LMOD3: variants seen among roughly 807,000 people sequenced by gnomAD.
LMOD3 encodes leiomodin-3.
In LMOD3, 31 loss-of-function variants were observed where a neutral mutation model predicts 41.8. The observed-to-expected ratio is 0.74, with a 90% CI of 0.56 to 1.00. LMOD3 has a LOEUF of 1.00. Among genes scored for constraint, LMOD3 ranks in the 50% least tolerant of loss-of-function variants. LMOD3 has a pLI of 0.00. For synonymous variants in LMOD3, 292 were observed against 241.9 expected (o/e 1.21, Z -1.92); for missense variants, 755 against 679.5 (o/e 1.11, Z -1.23).
At chr3:69,115,697 C>G (rs985470004) in intron 2 of LMOD3, among the ~76,000 whole-genome samples, 1 of 152,300 alleles carries the variant, frequency 6.6e-6, no homozygotes, top group South Asian at 2.1e-4. Flanking sequence ...TCACCTCTAT[C>G]AAGTGAACAT....
chr3:69,109,623 G>A (rs1472265035), intron 2 of LMOD3, among the ~76,000 whole-genome samples: 2 of 149,910 alleles, frequency 1.3e-5, no homozygotes, highest in East Asian at 4.0e-4. Context: ...CAACTCCCGG[G>A]TTCAAGCGAT....
chr3:69,119,274 C>CT lies in LMOD3; in HGVS notation c.1080dup (p.Ala361SerfsTer18), dbSNP rs1389072279. The stretch of plus-strand genomic sequence containing the variant: ...GTGTTGTTTGCCTTCAAAAGCCTGG[C>CT]TATTTCCATTTCAGCATGGTGACCC... On this transcript the variant is annotated frameshift_variant, in exon 2 of 3. Transcript: ENST00000420581. LOFTEE classifies it high-confidence loss of function. 1 of 1,613,910 alleles carries CT rather than the reference C, an allele frequency of 6.2e-7. No homozygotes were observed. The highest frequency in any genetic ancestry group is 2.2e-5 in the East Asian group (1 of 44,870).
chr3:69,119,080 C>T lies in LMOD3; in HGVS notation c.1275G>A (p.Gly425=). The change falls in exon 2 of 3, where the codon GGG becomes GGA. Residue 425 remains glycine (G), a synonymous_variant. Coordinates refer to ENST00000420581, the MANE Select transcript of LMOD3 (RefSeq NM_198271.5). ...ACAGCTCCCACATCCCAGGGGGCAG[C>T]CCCAACCCATTCTCTAACATGGCTA... ...KLIAMLENGL[G]LPPGMWELLG... is the part of the protein sequence containing the mutation. 1 of 1,613,792 alleles carries T rather than the reference C, an allele frequency of 6.2e-7. No individual in the cohort carries two copies. Among genetic ancestry groups the T allele is most frequent in the Non-Finnish European group, 8.5e-7 (1 of 1,179,866 alleles).
chr3:69,111,628 C>T (rs959210849), intron 2 of LMOD3, among the ~76,000 whole-genome samples: 3 of 152,114 alleles, frequency 2.0e-5, no homozygotes, highest in Non-Finnish European at 2.9e-5. Context: ...CAGGCTGGAG[C>T]GCAGTGGTGC....
At position 69,119,980 on chromosome 3, in the gene LMOD3, A is replaced by G. The variant is rs375595641; in HGVS notation, c.375T>C (p.Asn125=). 121 of 1,599,906 alleles carry G rather than the reference A, an allele frequency of 7.6e-5. No homozygotes were observed. The highest frequency in any genetic ancestry group is 1.0e-4 in the Non-Finnish European group (117 of 1,172,260). ...MAQYLKEKLN[N]EIVANKRESK... Reference sequence around the variant, plus strand: ...ATTCTCTTTTATTTGCAACTATTTCATTATTGAGCTTTTCTTTTAAATACT... The same window carrying G: ...ATTCTCTTTTATTTGCAACTATTTCGTTATTGAGCTTTTCTTTTAAATACT... The change falls in exon 2 of 3, where the codon AAT becomes AAC. Residue 125 remains asparagine, a synonymous_variant. Transcript: ENST00000420581.
In LMOD3 at chr3:69,107,913, G is replaced by C. The variant is rs1187591734; in HGVS notation, c.*1182C>G. 6.6e-6 allele frequency: 1 copy of C among 152,172 alleles called. No individual in the cohort carries two copies. The highest frequency in any genetic ancestry group is 2.4e-5 in the African/African-American group (1 of 41,420). 9.4% of individuals were successfully genotyped at this position (152,172 alleles called of 1,614,324 possible). A position where few individuals can be genotyped will look rare whatever the true frequency, so the allele number is the denominator to read the frequency against. ...GAAGAAGGACAGATTGGAGTTGTCT[G>C]GAAAATTTTTTATGGAGGACACAGG... On this transcript the variant is annotated 3_prime_UTR_variant, in exon 3 of 3. Transcript: ENST00000420581.
rs929921978 is a variant in LMOD3, at chr3:69,118,751, C to T, written c.1604G>A (p.Arg535Lys). The change falls in exon 2 of 3, where the codon AGA (arginine) becomes AAA (lysine). Residue 535 changes from arginine (R) to lysine (K), a missense_variant. Physicochemically the swap from Arg to Lys is conservative, Grantham distance 26. Coordinates refer to ENST00000420581, the MANE Select transcript of LMOD3 (RefSeq NM_198271.5). ...RPPPLVEITP[R>K]DQLLNDIRHS... ...ACGAATGTCGTTTAGCAGCTGATCT[C>T]TGGGAGTGATTTCCACCAATGGGGG... 1.9e-6 allele frequency: 3 copies of T among 1,612,342 alleles called. No individual in the cohort carries two copies. The highest frequency in any genetic ancestry group is 2.5e-6 in the Non-Finnish European group (3 of 1,179,602).
chr3:69,121,754 TAAA>T (rs1175791001), intron 1 of LMOD3, among the ~76,000 whole-genome samples: 3 of 151,986 alleles, frequency 2.0e-5, no homozygotes, highest in Non-Finnish European at 4.4e-5. Flanking sequence ...GGGCCTGCAA[TAAA>T]AAAGAAAGAG....
intron 1 of LMOD3, 102 bp from the exon 2 acceptor site, chr3:69,120,162 G>C: frequency 7.7e-7 from 1 of 1,303,930 alleles, no homozygotes; most frequent in Non-Finnish European, 1.0e-6. Flanking sequence ...TAAAAGAGCT[G>C]GTTGCTATTT....
chr3:69,118,168 G>C (rs2092385542), intron 2 of LMOD3, among the ~76,000 whole-genome samples: 1 of 152,094 alleles, frequency 6.6e-6, no homozygotes, highest in South Asian at 2.1e-4. Context: ...TAGGTTCCTA[G>C]GGATCTCTGA....
rs564125224 is a variant in LMOD3, at chr3:69,117,851, T to A, written c.1656+848A>T. On this transcript the variant is annotated intron_variant, in intron 2 of 2. Coordinates refer to ENST00000420581, the MANE Select transcript of LMOD3 (RefSeq NM_198271.5). ...TTGGGTGGTTTTTTTTTTTTTTTTT[T>A]AGATGGAGTCTCGCTCTGTCACCAG... 3.1e-3 allele frequency among the ~76,000 whole-genome samples: 464 copies of A among 151,036 alleles called. 6 individuals are homozygous for A. The highest frequency in any genetic ancestry group is 0.011 in the African/African-American group (434 of 40,974).
intron 2 of LMOD3, among the ~76,000 whole-genome samples, chr3:69,115,065 A>G (rs1002665233): frequency 1.3e-5 from 2 of 152,000 alleles, no homozygotes; most frequent in Admixed American, 6.6e-5. Context: ...ACAGGATCTC[A>G]CTTTGTTTTG....
chr3:69,106,559 G>T lies in LMOD3; in HGVS notation c.*2536C>A. ...TCTTTTGGCAAAACCTGTGTATTGA[G>T]GCCATAAGCTATGAAATTGGATCAT... On this transcript the variant is annotated 3_prime_UTR_variant, in exon 3 of 3. Transcript: ENST00000420581. Among the ~76,000 whole-genome samples the T allele has an allele frequency of 6.6e-6, 1 of 152,082 alleles. No individual in the cohort carries two copies. The highest frequency in any genetic ancestry group is 1.9e-4 in the East Asian group (1 of 5,192).
Position 69,108,963 on chromosome 3 carries a change from C to G in LMOD3, c.*132G>C, listed in dbSNP as rs2092335565. The stretch of plus-strand genomic sequence containing the variant: ...AAACATTCTGCCTTTTACAAATACC[C>G]TTATCAGATGGTAGCATTGTTTCCA... On this transcript the variant is annotated 3_prime_UTR_variant, in exon 3 of 3. Transcript: ENST00000420581. 2 of 778,076 alleles carry G rather than the reference C, an allele frequency of 2.6e-6. No individual in the cohort carries two copies. The highest frequency in any genetic ancestry group is 4.8e-5 in the Admixed American group (2 of 41,248). 48.2% of individuals were successfully genotyped at this position (778,076 alleles called of 1,614,324 possible).
intron 2 of LMOD3, 120 bp from the exon 3 acceptor site, chr3:69,109,241 C>A: frequency 1.2e-6 from 1 of 819,290 alleles, no homozygotes; most frequent in Non-Finnish European, 2.0e-6. Context: ...AAATTCTGGC[C>A]AAAGCACCTC....
chr3:69,122,048 C>T (rs2092409924), intron 1 of LMOD3, 45 bp downstream of exon 1: 2 of 1,510,792 alleles, frequency 1.3e-6, no homozygotes, highest in African/African-American at 1.4e-5. Flanking sequence ...CCTAACAGCC[C>T]ATCCCAGGCA....
intron 2 of LMOD3, 116 bp from the exon 3 acceptor site, chr3:69,109,237 T>C: frequency 1.1e-6 from 1 of 907,824 alleles, no homozygotes; most frequent in Non-Finnish European, 1.7e-6. Flanking sequence ...TTTGAAATTC[T>C]GGCCAAAGCA....
At chr3:69,117,773 C>T (rs2092382334) in intron 2 of LMOD3, among the ~76,000 whole-genome samples, 1 of 151,684 alleles carries the variant, frequency 6.6e-6, no homozygotes, top group Non-Finnish European at 1.5e-5. Context: ...CTAAAAAGAA[C>T]TGTTTCTATG....
At chr3:69,114,775 G>C (rs991341487) in intron 2 of LMOD3, among the ~76,000 whole-genome samples, 4 of 152,196 alleles carry the variant, frequency 2.6e-5, no homozygotes, top group African/African-American at 9.7e-5. Flanking sequence ...GGGATCACAG[G>C]TGTGAGCCAC....
Sources: gnomAD v4.1 joint callset for allele counts (sites outside exome capture counted in the v4.1 genomes callset) on GRCh38, gnomAD v4.1.1 for gene constraint, MANE v1.5 for transcripts, NCBI Gene and HGNC (gene_info 2026-07-23, HGNC 2026-07-21) for gene names.